The following ROCK2 variants were observed in gnomAD, a reference collection of about 807,000 sequenced individuals.
ROCK2 encodes the protein Rho associated coiled-coil containing protein kinase 2.
In ROCK2, 61 loss-of-function variants were observed where a neutral mutation model predicts 195.1. The observed-to-expected ratio is 0.31, with a 90% CI of 0.25 to 0.39. The LOEUF is 0.39. Among genes scored for constraint, ROCK2 ranks in the 10% least tolerant of loss-of-function variants. ROCK2 has a pLI of 1.00. For synonymous variants in ROCK2, 504 were observed against 545.5 expected, an observed-to-expected ratio of 0.92 and a Z score of 1.06; for missense variants, 1,109 against 1,637.4, an observed-to-expected ratio of 0.68 and a Z score of 5.57.
At chr2:11,198,157 C>A (rs1474497042) in intron 25 of ROCK2, among the ~76,000 whole-genome samples, 1 of 152,082 alleles carries the variant, frequency 6.6e-6, no homozygotes, top group Non-Finnish European at 1.5e-5. Context: ...TAGGAGTTGG[C>A]AGAGAGTGAA....
intron 3 of ROCK2, among the ~76,000 whole-genome samples, chr2:11,285,201 AC>A (rs1372199750): frequency 6.7e-6 from 1 of 149,646 alleles, no homozygotes; most frequent in African/African-American, 2.5e-5. Context: ...GGTGGAGGTT[AC>A]GGTGAGCCGA....
chr2:11,306,098 G>C (rs1389823785), intron 1 of ROCK2, among the ~76,000 whole-genome samples: 1 of 152,336 alleles, frequency 6.6e-6, no homozygotes, highest in South Asian at 2.1e-4. Flanking sequence ...ATGAATATAT[G>C]ATCCTGGGTC....
intron 3 of ROCK2, among the ~76,000 whole-genome samples, chr2:11,266,505 T>G (rs1352252765): frequency 6.6e-6 from 1 of 152,206 alleles, no homozygotes; most frequent in Non-Finnish European, 1.5e-5. Flanking sequence ...ACAATGAGAA[T>G]TCTATCTGTA....
chr2:11,262,968 T>C (rs541960362), intron 3 of ROCK2, among the ~76,000 whole-genome samples: 11 of 152,230 alleles, frequency 7.2e-5, no homozygotes, highest in Admixed American at 2.0e-4. Flanking sequence ...GTTTCTACCA[T>C]AGATACACAA....
intron 1 of ROCK2, among the ~76,000 whole-genome samples, chr2:11,322,973 A>G (rs1232240438): frequency 2.6e-5 from 4 of 152,136 alleles, no homozygotes; most frequent in Non-Finnish European, 4.4e-5. Context: ...TGCAGACATG[A>G]AAAAATCCAA....
chr2:11,267,701 C>CTT lies in ROCK2; in HGVS notation c.325-17905_325-17904dup, dbSNP rs34065184. The stretch of plus-strand genomic sequence containing the variant: ...CCTTGAGTATATCCTATCAATACGC[C>CTT]TTTTTTTTTTTTTTTTTTGAGATGG... On this transcript the variant is annotated intron_variant, in intron 3 of 32. Coordinates refer to ENST00000315872, the MANE Select transcript of ROCK2 (RefSeq NM_004850.5). Among the ~76,000 whole-genome samples the CTT allele has an allele frequency of 7.0e-3, 917 of 130,398 alleles. 17 individuals are homozygous for CTT. The highest frequency in any genetic ancestry group is 0.022 in the African/African-American group (774 of 35,010). 85.5% of individuals were successfully genotyped at this position (130,398 alleles called of 152,430 possible). A position where few individuals can be genotyped will look rare whatever the true frequency, so the allele number is the denominator to read the frequency against.
Position 11,341,451 on chromosome 2 carries a change from G to C in ROCK2, c.141+2545C>G, listed in dbSNP as rs138984516. Among the ~76,000 whole-genome samples, 74 of 152,314 alleles carry C rather than the reference G, an allele frequency of 4.9e-4. No homozygotes were observed. In the East Asian group the frequency reaches 0.013, roughly 26 times the overall value. On this transcript the variant is annotated intron_variant, in intron 1 of 32. Coordinates refer to ENST00000315872, the MANE Select transcript of ROCK2 (RefSeq NM_004850.5). ...GTGAACTAAATTTAATGAGCACTGT[G>C]ATGTACCAAGCACTAGGCTAAGCAC...
intron 1 of ROCK2, among the ~76,000 whole-genome samples, chr2:11,334,719 T>C (rs929435171): frequency 5.3e-5 from 8 of 150,948 alleles, no homozygotes; most frequent in African/African-American, 1.9e-4. Context: ...ATACCAGCCC[T>C]GCTCTGGCGC....
At chr2:11,253,019 T>G (rs1021376314) in intron 3 of ROCK2, among the ~76,000 whole-genome samples, 8 of 151,350 alleles carry the variant, frequency 5.3e-5, no homozygotes, top group African/African-American at 1.9e-4. Context: ...TCTATACTAT[T>G]TCTACATATG....
chr2:11,253,209 C>T (rs1421830501), intron 3 of ROCK2, among the ~76,000 whole-genome samples: 1 of 152,114 alleles, frequency 6.6e-6, no homozygotes, highest in Non-Finnish European at 1.5e-5. Flanking sequence ...TTACCATTGT[C>T]TACAGGGTCC....
chr2:11,240,482 A>G (rs1665384557), intron 4 of ROCK2, among the ~76,000 whole-genome samples: 1 of 152,270 alleles, frequency 6.6e-6, no homozygotes, highest in Non-Finnish European at 1.5e-5. Flanking sequence ...TGAACCTTAA[A>G]AACAGTATGC....
intron 1 of ROCK2, among the ~76,000 whole-genome samples, chr2:11,305,260 C>A (rs1667820630): frequency 6.6e-6 from 1 of 152,150 alleles, no homozygotes; most frequent in Admixed American, 6.5e-5. Context: ...CCTGTAGTCC[C>A]AACTACTCGG....
At chr2:11,183,499 A>ATTAT in intron 32 of ROCK2, 59 bp from the exon 33 acceptor site, 2 of 1,309,988 alleles carry the variant, frequency 1.5e-6, no homozygotes, top group Non-Finnish European at 2.2e-6. Context: ...AGAGTGTTAA[A>ATTAT]TTCCTAGAAA....
At chr2:11,293,989 C>A (rs1020938402) in intron 1 of ROCK2, among the ~76,000 whole-genome samples, 1 of 152,060 alleles carries the variant, frequency 6.6e-6, no homozygotes, top group African/African-American at 2.4e-5. Flanking sequence ...AAACTTGTCT[C>A]TACTAAAAAT....
chr2:11,316,380 T>C (rs1435405637), intron 1 of ROCK2, among the ~76,000 whole-genome samples: 1 of 152,168 alleles, frequency 6.6e-6, no homozygotes, highest in African/African-American at 2.4e-5. Context: ...TCAAAAACCA[T>C]GTCAGGTTTA....
chr2:11,227,212 A>G (rs1553302246), intron 6 of ROCK2, 42 bp downstream of exon 6: 7 of 1,539,160 alleles, frequency 4.5e-6, no homozygotes, highest in Non-Finnish European at 6.2e-6. Flanking sequence ...ATAAAGTATT[A>G]TAAGAAGCAT....
At chr2:11,293,432 G>C (rs780433444) in intron 1 of ROCK2, among the ~76,000 whole-genome samples, 2 of 152,154 alleles carry the variant, frequency 1.3e-5, no homozygotes, top group Non-Finnish European at 2.9e-5. Context: ...TTAAAAATTG[G>C]CTATTTAAAT....
rs185805912 is a variant in ROCK2, at chr2:11,304,795, G to A, written c.142-17059C>T. 1.1e-4 allele frequency among the ~76,000 whole-genome samples: 16 copies of A among 152,110 alleles called. No individual in the cohort carries two copies. In the East Asian group the frequency reaches 3.1e-3, roughly 29 times the overall value. On this transcript the variant is annotated intron_variant, in intron 1 of 32. Coordinates refer to ENST00000315872, the MANE Select transcript of ROCK2 (RefSeq NM_004850.5). ...TTCTAAACGTTTCGAAATCACAACC[G>A]GTACCCTACACAAGAAGTAGGAATG...
Position 11,201,168 on chromosome 2 carries a change from T to C in ROCK2, c.2724-25A>G. 1.3e-6 allele frequency: 2 copies of C among 1,581,022 alleles called. No individual in the cohort carries two copies. Among genetic ancestry groups the C allele is most frequent in the Non-Finnish European group, 1.7e-6 (2 of 1,165,626 alleles). On this transcript the variant is annotated intron_variant, in intron 22 of 32. Transcript: ENST00000315872. This position sits in a 1 kb window ranked among gnomAD's most constrained non-coding sequence, Gnocchi z 4.6. ...CCTACATTTTAGCAATATATCATTTTAATGGTTCAGTTTTCACTATGAAGT... is the reference window on the plus strand; with the variant it reads ...CCTACATTTTAGCAATATATCATTTCAATGGTTCAGTTTTCACTATGAAGT...
Sources: allele counts gnomAD v4.1 joint callset (sites outside exome capture counted in the v4.1 genomes callset), GRCh38; gene constraint gnomAD v4.1.1; non-coding constraint Gnocchi (gnomAD v3.1); transcripts MANE v1.5; gene names NCBI Gene and HGNC (gene_info 2026-07-23, HGNC 2026-07-21).